The following POLQ variants were observed in gnomAD, a reference collection of about 807,000 sequenced individuals.
The protein encoded by POLQ is epididymis secretory sperm binding protein.
Under a neutral mutation model 259.2 loss-of-function variants are expected in POLQ, and 233 were observed. That is an observed-to-expected ratio of 0.90 (90% CI 0.81 to 1.00). The LOEUF (loss-of-function observed/expected upper bound fraction) is 1.00. Among genes scored for constraint, POLQ ranks in the 50% least tolerant of loss-of-function variants. POLQ has a pLI of 0.00. For synonymous variants in POLQ, 1,025 were observed against 1,048.8 expected (o/e 0.98, Z 0.44); for missense variants, 2,871 against 3,051.6 (o/e 0.94, Z 1.39).
At chr3:121,484,084 G>T (rs1193496215) in intron 17 of POLQ, among the ~76,000 whole-genome samples, 3 of 148,844 alleles carry the variant, frequency 2.0e-5, no homozygotes, top group Admixed American at 1.4e-4. Flanking sequence ...TATTAATTTT[G>T]CTCCTAAAAA....
chr3:121,452,567 G>C (rs192172519), intron 25 of POLQ, among the ~76,000 whole-genome samples: 130 of 150,068 alleles, frequency 8.7e-4, no homozygotes, highest in Non-Finnish European at 1.6e-3. Context: ...AGGTGGTTCA[G>C]TGCATGGTGA....
At position 121,489,632 on chromosome 3, in the gene POLQ, T is replaced by C; in HGVS notation, c.3299A>G (p.Asn1100Ser). 1 of 1,613,916 alleles carries C rather than the reference T, an allele frequency of 6.2e-7. No homozygotes were observed. Among genetic ancestry groups the C allele is most frequent in the East Asian group, 2.2e-5 (1 of 44,878 alleles). The change falls in exon 16 of 30, where the codon AAT becomes AGT. Residue 1100 changes from asparagine (N) to serine (S), a missense_variant. Physicochemically the swap from Asn to Ser is conservative, Grantham distance 46. Transcript: ENST00000264233. ...EFRNSGPFAK[N>S]VSLSGKEKDN... Reference sequence around the variant, plus strand: ...TTTTTCCTTACCACTCAAAGATACATTTTTAGCAAATGGCCCTGAATTTCT... The same window carrying C: ...TTTTTCCTTACCACTCAAAGATACACTTTTAGCAAATGGCCCTGAATTTCT...
At chr3:121,513,600 CAAAAAAAAAAA>C (rs59962408) in intron 9 of POLQ, among the ~76,000 whole-genome samples, 40 of 51,572 alleles carry the variant, frequency 7.8e-4, no homozygotes, top group African/African-American at 3.2e-3. Flanking sequence ...GACTCTATCT[CAAAAAAAAAAA>C]AAAAAAAAAA....
At chr3:121,495,164 G>A (rs534469678) in intron 14 of POLQ, among the ~76,000 whole-genome samples, 25 of 152,116 alleles carry the variant, frequency 1.6e-4, no homozygotes, top group Non-Finnish European at 2.5e-4. Context: ...CCAGTTCCTC[G>A]GGAGGCTGAG....
At chr3:121,463,386 C>T (rs1198317415) in intron 24 of POLQ, among the ~76,000 whole-genome samples, 1 of 152,198 alleles carries the variant, frequency 6.6e-6, no homozygotes, top group Admixed American at 6.5e-5. Context: ...CATCAAACCT[C>T]CTTCCTTTAT....
chr3:121,526,896 C>T (rs527526435), intron 7 of POLQ, among the ~76,000 whole-genome samples: 17 of 151,136 alleles, frequency 1.1e-4, no homozygotes, highest in South Asian at 4.2e-4. Context: ...TGTGTGCGCG[C>T]GCGCACGCAC....
At position 121,471,996 on chromosome 3, in the gene POLQ, C is replaced by A. The variant is rs139921151; in HGVS notation, c.6712G>T (p.Ala2238Ser). Residue 2238 changes from alanine to serine, a missense_variant, in exon 22 of 30, where the codon GCT becomes TCT. Ala to Ser is a moderately conservative substitution (Grantham distance 99). This residue lies in a region of POLQ where 2,080 missense variants were observed against 2,126.0 expected (regional missense o/e 0.98). Coordinates refer to ENST00000264233, the MANE Select transcript of POLQ (RefSeq NM_199420.4). ...ACTTAAGATTTCTCATCACCTGTAGCAGTGTGCGACTGTGATACAGGATAG... is the reference window on the plus strand; with the variant it reads ...ACTTAAGATTTCTCATCACCTGTAGAAGTGTGCGACTGTGATACAGGATAG... Reference protein sequence around the residue: ...RIYPVSQSHTATGRITFTEPN... With the variant: ...RIYPVSQSHTSTGRITFTEPN... 4 of 1,479,668 alleles carry A rather than the reference C, an allele frequency of 2.7e-6. No homozygotes were observed. In the African/African-American group the frequency reaches 5.6e-5, roughly 21 times the overall value. The allele number at this position is 1,479,668 out of a possible 1,614,324, so 91.7% of individuals were successfully genotyped here.
chr3:121,533,265 G>A, intron 5 of POLQ, 56 bp from the exon 6 acceptor site: 1 of 1,144,624 alleles, frequency 8.7e-7, no homozygotes, highest in Non-Finnish European at 1.2e-6. Context: ...TTAATAATTA[G>A]TGTTGCTAAC....
Position 121,520,026 on chromosome 3 carries a change from C to T in POLQ, c.1313G>A (p.Arg438Gln), listed in dbSNP as rs759884379. Residue 438 changes from arginine to glutamine, a missense_variant, in exon 9 of 30, where the codon CGG becomes CAG. Arg to Gln is a conservative substitution (Grantham distance 43). Around this residue, in one of 3 missense-constraint regions of POLQ, gnomAD observed 783 missense variants for 906.2 expected, o/e 0.86. Transcript: ENST00000264233. Reference protein sequence around the residue: ...IEGAFRQGLIRVLAATSTLSS... With the variant: ...IEGAFRQGLIQVLAATSTLSS... ...AAGAGTAGAAGTTGCCGCCAAGACC[C>T]GAATGAGACCTTGACGAAAGGCTCC... 1.3e-5 allele frequency: 21 copies of T among 1,613,462 alleles called. No homozygotes were observed. Among genetic ancestry groups the T allele is most frequent in the South Asian group, 4.4e-5 (4 of 91,072 alleles).
At chr3:121,496,259 C>A (rs1313746082) in intron 14 of POLQ, among the ~76,000 whole-genome samples, 1 of 150,784 alleles carries the variant, frequency 6.6e-6, no homozygotes, top group Admixed American at 6.6e-5. Context: ...TCACTGCAAC[C>A]TCTGCCTCCC....
intron 26 of POLQ, among the ~76,000 whole-genome samples, chr3:121,448,339 G>A (rs1278182675): frequency 2.0e-5 from 3 of 151,632 alleles, no homozygotes; most frequent in Non-Finnish European, 4.4e-5. Flanking sequence ...TCCTACTTCA[G>A]AATTTCTGCT....
intron 25 of POLQ, among the ~76,000 whole-genome samples, chr3:121,454,130 T>G (rs573604030): frequency 6.6e-6 from 1 of 152,276 alleles, no homozygotes; most frequent in East Asian, 1.9e-4. Context: ...CCAGCCAAAC[T>G]AAGCTTCATT....
At chr3:121,484,862 C>G (rs984441920) in intron 17 of POLQ, among the ~76,000 whole-genome samples, 179 bp downstream of exon 17, 2 of 152,146 alleles carry the variant, frequency 1.3e-5, no homozygotes, top group African/African-American at 2.4e-5. Flanking sequence ...GATCATGCCA[C>G]TGTACTCCAG....
chr3:121,531,240 G>T (rs1020318698), intron 6 of POLQ, among the ~76,000 whole-genome samples: 26 of 152,248 alleles, frequency 1.7e-4, no homozygotes, highest in Middle Eastern at 3.4e-3. Context: ...TAAGGGAAAA[G>T]AAATAGAGAC....
chr3:121,447,047 C>T (rs1262220653), intron 26 of POLQ, among the ~76,000 whole-genome samples: 1 of 112,262 alleles, frequency 8.9e-6, no homozygotes, highest in Non-Finnish European at 2.0e-5. Flanking sequence ...TCCTGTCTTC[C>T]TTTTAATAAA....
Position 121,480,499 on chromosome 3 carries a change from T to G in POLQ, c.6211+1073A>C, listed in dbSNP as rs1267417998. Among the ~76,000 whole-genome samples the G allele has an allele frequency of 5.9e-5, 9 of 152,204 alleles. No homozygotes were observed. In the South Asian group the frequency reaches 1.9e-3, roughly 32 times the overall value. On this transcript the variant is annotated intron_variant, in intron 19 of 29. Transcript: ENST00000264233. ...TTTAATACCTCCTAACCACCCTTTT[T>G]TTTTTGAGATGGGGTCTCACTATGT...
intron 25 of POLQ, among the ~76,000 whole-genome samples, chr3:121,455,970 G>A (rs1490026238): frequency 1.3e-5 from 2 of 152,168 alleles, no homozygotes; most frequent in Admixed American, 6.5e-5. Context: ...GAACATTGAT[G>A]CAAAAATCCT....
chr3:121,494,637 TG>T, intron 14 of POLQ: 4 of 1,515,406 alleles, frequency 2.6e-6, no homozygotes, highest in African/African-American at 1.4e-5. Flanking sequence ...TGTCGTAAAA[TG>T]GGGGTCCCTT....
chr3:121,480,611 G>A (rs1457105793), intron 19 of POLQ, among the ~76,000 whole-genome samples: 1 of 151,504 alleles, frequency 6.6e-6, no homozygotes, highest in African/African-American at 2.4e-5. Flanking sequence ...AGGAACCACT[G>A]AGCCAGCCTA....
Sources: allele counts gnomAD v4.1 joint callset (sites outside exome capture counted in the v4.1 genomes callset), GRCh38; gene constraint gnomAD v4.1.1; regional missense constraint gnomAD v4.1.1; transcripts MANE v1.5; gene names NCBI Gene and HGNC (gene_info 2026-07-23, HGNC 2026-07-21).